DAB1: variants seen among roughly 807,000 people sequenced by gnomAD.
The protein encoded by DAB1 is disabled homolog 1.
DAB1 carries 15 observed loss-of-function variants against 64.6 expected under a neutral mutation model. That is an observed-to-expected ratio of 0.23 (90% CI 0.16 to 0.36). The LOEUF (loss-of-function observed/expected upper bound fraction) is 0.36. Ranked by LOEUF, DAB1 falls within the 10% of genes least tolerant of loss-of-function variation. DAB1 has a pLI of 1.00. For synonymous variants in DAB1, 235 were observed against 251.9 expected, an observed-to-expected ratio of 0.93 and a Z score of 0.64; for missense variants, 596 against 706.7, an observed-to-expected ratio of 0.84 and a Z score of 1.78.
At chr1:57,848,613 T>C (rs976234772) in intron 1 of DAB1, among the ~76,000 whole-genome samples, 10 of 152,148 alleles carry the variant, frequency 6.6e-5, no homozygotes, top group Non-Finnish European at 1.0e-4. Context: ...AGCTGTTATA[T>C]CACATGAGTT....
intron 1 of DAB1, among the ~76,000 whole-genome samples, chr1:57,324,273 A>C (rs1042782594): frequency 6.6e-6 from 1 of 152,204 alleles, no homozygotes; most frequent in Non-Finnish European, 1.5e-5. Flanking sequence ...AATTCACACT[A>C]AACTCAATTT....
Position 58,181,533 on chromosome 1 carries a change from G to GTACCAT in DAB1, n.310-30946_310-30945insATGGTA, listed in dbSNP as rs1297767182. Among the ~76,000 whole-genome samples the GTACCAT allele has an allele frequency of 2.6e-5, 4 of 152,006 alleles. No homozygotes were observed. The East Asian group carries it at 7.7e-4, about 29-fold the overall frequency. On this transcript the variant is annotated intron_variant and non_coding_transcript_variant, in intron 4 of 20. Coordinates refer to the DAB1 transcript ENST00000485760. The stretch of plus-strand genomic sequence containing the variant: ...TGCTCCTCCTTAATTGCCTTCTTCT[G>GTACCAT]TGTAAGATAGATATTTTCTTCTGTA...
At chr1:57,560,753 A>G (rs1024247957) in intron 7 of DAB1, among the ~76,000 whole-genome samples, 2 of 152,206 alleles carry the variant, frequency 1.3e-5, no homozygotes, top group African/African-American at 4.8e-5. Context: ...ACAGTGGCAG[A>G]TAGGGATGCT....
intron 3 of DAB1, among the ~76,000 whole-genome samples, chr1:58,434,213 A>AG (rs1380462746): frequency 1.3e-5 from 2 of 152,204 alleles, no homozygotes; most frequent in African/African-American, 4.8e-5. Flanking sequence ...ACAGACGTTA[A>AG]GGGGCAAGGA....
chr1:57,461,168 T>C (rs1347080306), intron 7 of DAB1, among the ~76,000 whole-genome samples: 1 of 152,184 alleles, frequency 6.6e-6, no homozygotes, highest in Non-Finnish European at 1.5e-5. Context: ...GACTCTCCAT[T>C]TATCAAAGCA....
At chr1:57,877,036 T>C (rs1375917186) in intron 1 of DAB1, among the ~76,000 whole-genome samples, 3 of 152,128 alleles carry the variant, frequency 2.0e-5, no homozygotes, top group African/African-American at 7.2e-5. Context: ...TGTGTATATA[T>C]GTGTGTGTGA....
intron 6 of DAB1, among the ~76,000 whole-genome samples, chr1:57,743,807 C>T (rs752836012): frequency 5.3e-5 from 8 of 152,228 alleles, no homozygotes; most frequent in Non-Finnish European, 8.8e-5. Context: ...GAGCCCCTAA[C>T]AGAGATTTGC....
At position 58,485,228 on chromosome 1, in the gene DAB1, T is replaced by TAAAAAAAA. The variant is rs71043289; in HGVS notation, n.257+20824_257+20831dup. On this transcript the variant is annotated intron_variant and non_coding_transcript_variant, in intron 3 of 20. Transcript: ENST00000485760. ...GTCTAAAAATAAAAGAGTCTACTAC[T>TAAAAAAAA]AAAAAAAAAAAAAAAAAAAAAAAAA... Among the ~76,000 whole-genome samples the TAAAAAAAA allele has an allele frequency of 2.2e-3, 93 of 42,044 alleles. 4 individuals are homozygous for TAAAAAAAA. The highest frequency in any genetic ancestry group is 8.3e-3 in the African/African-American group (85 of 10,278). The allele number at this position is 42,044 out of a possible 152,430, so 27.6% of individuals were successfully genotyped here.
At chr1:58,218,664 A>G (rs557626762) in intron 4 of DAB1, among the ~76,000 whole-genome samples, 2 of 152,270 alleles carry the variant, frequency 1.3e-5, no homozygotes, top group Admixed American at 1.3e-4. Flanking sequence ...TTGTCTGGTT[A>G]GGGGAGAAGG....
chr1:58,033,862 A>G (rs1365465693), intron 5 of DAB1, among the ~76,000 whole-genome samples: 2 of 152,156 alleles, frequency 1.3e-5, no homozygotes, highest in Non-Finnish European at 2.9e-5. Flanking sequence ...CAGTTACACT[A>G]GGACACATAG....
At chr1:57,984,189 AAAGAAAGAAAGAAAGAAAGAAAGAAAG>A (rs1646140327) in intron 5 of DAB1, among the ~76,000 whole-genome samples, 31 of 101,860 alleles carry the variant, frequency 3.0e-4, no homozygotes, top group Non-Finnish European at 4.4e-4. Flanking sequence ...TAAAAAAAAG[AAAGAAAGAAAGAAAGAAAGAAAGAAAG>A]AAAGAAAGAA....
chr1:57,019,794 T>C (rs1646555169), intron 11 of DAB1, among the ~76,000 whole-genome samples: 1 of 152,212 alleles, frequency 6.6e-6, no homozygotes, highest in South Asian at 2.1e-4. Flanking sequence ...ATAAATCTCC[T>C]TGCTGTGGAG....
intron 4 of DAB1, among the ~76,000 whole-genome samples, chr1:58,183,323 C>T (rs1656897210): frequency 6.6e-6 from 1 of 151,974 alleles, no homozygotes; most frequent in Non-Finnish European, 1.5e-5. Flanking sequence ...TCATATTCAG[C>T]CATGGATGAA....
rs568522308 is a variant in DAB1, at chr1:57,420,039, G to T, written c.-137+3891C>A. On this transcript the variant is annotated intron_variant, in intron 1 of 14. Transcript: ENST00000371236. ...AATAAACATTTTCACAGAGTAAATA[G>T]ATGTGAACCAATACTAACCAATGCC... is the stretch of plus-strand genomic sequence containing the variant. Among the ~76,000 whole-genome samples the T allele has an allele frequency of 5.6e-4, 85 of 152,204 alleles. 1 individual carries two copies. Among genetic ancestry groups the T allele is most frequent in the Non-Finnish European group, 1.1e-3 (78 of 68,044 alleles).
intron 3 of DAB1, among the ~76,000 whole-genome samples, chr1:58,505,696 A>AT (rs1441182350): frequency 6.6e-6 from 1 of 152,178 alleles, no homozygotes; most frequent in African/African-American, 2.4e-5. Flanking sequence ...ATTAACTGGT[A>AT]TTTTTAACAA....
At chr1:58,535,607 A>G (rs1646504315) in intron 1 of DAB1, among the ~76,000 whole-genome samples, 1 of 151,958 alleles carries the variant, frequency 6.6e-6, no homozygotes, top group Non-Finnish European at 1.5e-5. Flanking sequence ...AAAAAAAAAA[A>G]AAAAAAAAGA....
intron 4 of DAB1, among the ~76,000 whole-genome samples, chr1:58,314,026 C>T (rs1447526097): frequency 6.6e-6 from 1 of 152,102 alleles, no homozygotes; most frequent in Admixed American, 6.6e-5. Flanking sequence ...AACCTAATAT[C>T]ATAATTTTTC....
intron 7 of DAB1, among the ~76,000 whole-genome samples, chr1:57,562,048 T>A (rs1329762356): frequency 6.6e-6 from 1 of 152,172 alleles, no homozygotes; most frequent in African/African-American, 2.4e-5. Flanking sequence ...CACAGCGCTG[T>A]CTCTGACCAA....
At chr1:57,493,251 A>G (rs754190389) in intron 7 of DAB1, among the ~76,000 whole-genome samples, 1 of 151,964 alleles carries the variant, frequency 6.6e-6, no homozygotes. Flanking sequence ...ATCACCATCC[A>G]TCTCCAGAAC....
Sources: gnomAD v4.1 joint callset for allele counts (sites outside exome capture counted in the v4.1 genomes callset) on GRCh38, gnomAD v4.1.1 for gene constraint, MANE v1.5 for transcripts, NCBI Gene and HGNC (gene_info 2026-07-23, HGNC 2026-07-21) for gene names.